DNA2: variants seen among roughly 807,000 people sequenced by gnomAD.
The protein encoded by DNA2 is DNA replication ATP-dependent helicase/nuclease DNA2.
A neutral mutation model predicts 119.1 loss-of-function variants in DNA2; 101 were observed. The ratio of observed to expected loss-of-function variants is 0.85; its 90% CI spans 0.72 to 1.00. The LOEUF (loss-of-function observed/expected upper bound fraction) is 1.00, where lower values mean the gene tolerates loss of function less well. Among genes scored for constraint, DNA2 ranks in the 50% least tolerant of loss-of-function variants. The pLI is 0.00. For synonymous variants in DNA2, 366 were observed against 424.4 expected (o/e 0.86, Z 1.69); for missense variants, 1,121 against 1,255.5 (o/e 0.89, Z 1.62).
intron 4 of DNA2, 123 bp from the exon 5 acceptor site, chr10:68,459,358 C>A (rs2052226857): frequency 5.0e-6 from 5 of 994,596 alleles, no homozygotes; most frequent in Non-Finnish European, 7.1e-6. Flanking sequence ...ATATAAGCAA[C>A]CCAACTGTTC....
intron 14 of DNA2, among the ~76,000 whole-genome samples, chr10:68,428,759 A>G (rs1276467189): frequency 1.3e-5 from 2 of 152,214 alleles, no homozygotes; most frequent in Admixed American, 6.6e-5. Context: ...CGAACGACCA[A>G]ATTATCGAAA....
At chr10:68,428,033 A>G (rs1289141331) in intron 14 of DNA2, among the ~76,000 whole-genome samples, 2 of 144,870 alleles carry the variant, frequency 1.4e-5, no homozygotes, top group African/African-American at 5.1e-5. Flanking sequence ...ACTCCATCTC[A>G]GAAAAAAAAA....
At chr10:68,452,461 C>T (rs2052131688) in intron 5 of DNA2, among the ~76,000 whole-genome samples, 1 of 152,050 alleles carries the variant, frequency 6.6e-6, no homozygotes, top group Non-Finnish European at 1.5e-5. Flanking sequence ...TTAGGCAAAA[C>T]TTATTATTTA....
chr10:68,454,392 C>T (rs1025840460), intron 5 of DNA2, among the ~76,000 whole-genome samples: 5 of 149,956 alleles, frequency 3.3e-5, no homozygotes, highest in African/African-American at 7.3e-5. Flanking sequence ...AAGACTCCAC[C>T]AAAGGAAAAC....
rs1416746478 is a variant in DNA2 at position 68,471,627 on chromosome 10, G to A, written c.74+164C>T. On this transcript the variant is annotated intron_variant, in intron 1 of 20. Coordinates refer to ENST00000358410, the MANE Select transcript of DNA2 (RefSeq NM_001080449.3). Reference sequence around the variant, plus strand: ...TGAATGTGGCCCCAAAGAACACCTTGGGAGGCAGGCCCCGACTCCGGAGGC... The same window carrying A: ...TGAATGTGGCCCCAAAGAACACCTTAGGAGGCAGGCCCCGACTCCGGAGGC... Among the ~76,000 whole-genome samples, 9 of 152,202 alleles carry A rather than the reference G, an allele frequency of 5.9e-5. No homozygotes were observed. In the South Asian group the frequency reaches 8.3e-4, roughly 14 times the overall value.
chr10:68,472,070 T>C, upstream of DNA2: 1 of 1,586,838 alleles, frequency 6.3e-7, no homozygotes, highest in Non-Finnish European at 8.6e-7. Flanking sequence ...AGCAGGGCTC[T>C]GTCCCCTGCC....
chr10:68,435,438 T>C (rs967566889), intron 10 of DNA2, among the ~76,000 whole-genome samples: 11 of 150,296 alleles, frequency 7.3e-5, no homozygotes, highest in Non-Finnish European at 1.5e-4. Flanking sequence ...AAAATATTAA[T>C]AGTAGAATAT....
At chr10:68,416,151 A>C (rs1590043419) in intron 20 of DNA2, among the ~76,000 whole-genome samples, 1 of 152,086 alleles carries the variant, frequency 6.6e-6, no homozygotes, top group South Asian at 2.1e-4. Flanking sequence ...CTCCAGCCTG[A>C]GTGAAGTTAG....
chr10:68,436,890 A>G, intron 10 of DNA2, 121 bp downstream of exon 10: 1 of 740,950 alleles, frequency 1.3e-6, no homozygotes, highest in South Asian at 1.9e-5. Context: ...TTGTGGTGAT[A>G]GCTGCACAAC....
chr10:68,472,239 C>A, upstream of DNA2: 1 of 1,179,494 alleles, frequency 8.5e-7, no homozygotes, highest in Non-Finnish European at 1.1e-6. Flanking sequence ...GGACTACAGG[C>A]GCCCAGCTTA....
chr10:68,450,079 C>T lies in DNA2; in HGVS notation c.888G>A (p.Pro296=), dbSNP rs16925390. The T allele has an allele frequency of 2.3e-3, 3,629 of 1,601,790 alleles. 66 individuals are homozygous for T. The African/African-American group carries it at 0.041, about 18-fold the overall frequency. The change falls in exon 6 of 21, where the codon CCG becomes CCA. Residue 296 remains proline, a synonymous_variant. Coordinates refer to ENST00000358410, the MANE Select transcript of DNA2 (RefSeq NM_001080449.3). ...ATTCTTTGCCAGTTTTAAGTTCCAG[C>T]GGCATTATCTTGTATTTTGTTTTAT... ...RGYKTKYKIM[P]LELKTGKESN...
chr10:68,437,253 C>T lies in DNA2; in HGVS notation c.1416-12G>A, dbSNP rs1218234030. ...TGCCACTCTTCTCCCTATGAAAAGA[C>T]CAAAGAGAAAAAAACTTCTGTTTAT... is the stretch of plus-strand genomic sequence containing the variant. On this transcript the variant is annotated splice_polypyrimidine_tract_variant and intron_variant, in intron 9 of 20. Coordinates refer to ENST00000358410, the MANE Select transcript of DNA2 (RefSeq NM_001080449.3). The T allele has an allele frequency of 2.5e-6, 4 of 1,578,248 alleles. No individual in the cohort carries two copies. Among genetic ancestry groups the T allele is most frequent in the Non-Finnish European group, 3.4e-6 (4 of 1,160,408 alleles).
At position 68,422,211 on chromosome 10, in the gene DNA2, AT is replaced by A. The variant is rs370068890; in HGVS notation, c.2697+13del. 0.027 allele frequency: 32,265 copies of A among 1,182,524 alleles called. 2,873 individuals are homozygous for A. The African/African-American group carries it at 0.31, about 11-fold the overall frequency. The allele number at this position is 1,182,524 out of a possible 1,614,324, so 73.3% of individuals were successfully genotyped here. A position where few individuals can be genotyped will look rare whatever the true frequency, so the allele number is the denominator to read the frequency against. ...ACAAAATGAGAAAAACTAAACAGAA[AT>A]TTTTTTTTTTACCTTGTCTGTATTA... On this transcript the variant is annotated intron_variant, in intron 17 of 20. Coordinates refer to ENST00000358410, the MANE Select transcript of DNA2 (RefSeq NM_001080449.3).
intron 2 of DNA2, among the ~76,000 whole-genome samples, 167 bp from the exon 3 acceptor site, chr10:68,468,473 T>C (rs1564899533): frequency 6.6e-6 from 1 of 152,194 alleles, no homozygotes; most frequent in Non-Finnish European, 1.5e-5. Context: ...GGATACAGTC[T>C]TCTAAAACAA....
chr10:68,442,973 T>C lies in DNA2; in HGVS notation c.1359A>G (p.Gln453=). The C allele has an allele frequency of 6.2e-7, 1 of 1,612,634 alleles. No individual in the cohort carries two copies. The highest frequency in any genetic ancestry group is 8.5e-7 in the Non-Finnish European group (1 of 1,179,494). ...LWCLMLTLES[Q]SKDNKKNHQN... ...GGTGATTCTTTTTATTATCCTTCGA[T>C]TGTGACTCCAGGGTTAACATTAGAC... The change falls in exon 9 of 21, where the codon CAA becomes CAG. Residue 453 remains glutamine (Q), a synonymous_variant. Transcript: ENST00000358410.
chr10:68,419,692 C>A, intron 18 of DNA2, 111 bp downstream of exon 18: 4 of 727,360 alleles, frequency 5.5e-6, no homozygotes, highest in Non-Finnish European at 9.3e-6. Flanking sequence ...GGCTTCAATC[C>A]CCCCCTTATC....
At chr10:68,432,595 G>T in intron 10 of DNA2, 85 bp from the exon 11 acceptor site, 1 of 766,326 alleles carries the variant, frequency 1.3e-6, no homozygotes, top group Non-Finnish European at 2.2e-6. Flanking sequence ...CTAAAAGAAT[G>T]AATGGGCCAG....
In DNA2 at chr10:68,446,398, G is replaced by A. The variant is rs369112712; in HGVS notation, c.955C>T (p.Leu319=). 1 of 1,586,216 alleles carries A rather than the reference G, an allele frequency of 6.3e-7. No homozygotes were observed. Among genetic ancestry groups the A allele is most frequent in the Non-Finnish European group, 8.6e-7 (1 of 1,165,000 alleles). Residue 319 remains leucine (L), a synonymous_variant, in exon 7 of 21, where the codon CTA becomes TTA. Transcript: ENST00000358410. ...EHRSQVVLYT[L]LSQERRADPE... ...TCAGCTCTTCTCTCTTGGCTTAGTA[G>A]AGTGTACAGAACAACCTGTGCAAAC...
At chr10:68,424,434 G>A (rs2051707544) in intron 14 of DNA2, 5 of 512,588 alleles carry the variant, frequency 9.8e-6, no homozygotes, top group Non-Finnish European at 1.8e-5. Context: ...AGCCAAGGAG[G>A]TCGAGGCTGC....
Sources: allele counts gnomAD v4.1 joint callset (sites outside exome capture counted in the v4.1 genomes callset), GRCh38; gene constraint gnomAD v4.1.1; transcripts MANE v1.5; gene names NCBI Gene and HGNC (gene_info 2026-07-23, HGNC 2026-07-21).